Variants in NRXN3 observed in about 807,000 individuals in gnomAD.
NRXN3 encodes neurexin 3.
Under a neutral mutation model 137.6 loss-of-function variants are expected in NRXN3, and 32 were observed. That is an observed-to-expected ratio of 0.23 (90% confidence interval 0.18 to 0.31). The LOEUF (loss-of-function observed/expected upper bound fraction) is 0.31, where lower values mean the gene tolerates loss of function less well. Among genes scored for constraint, NRXN3 ranks in the 10% least tolerant of loss-of-function variants. NRXN3 has a pLI of 1.00. For missense variants in NRXN3, 1,574 were observed against 2,062.5 expected, an observed-to-expected ratio of 0.76 and a Z score of 4.59; for synonymous variants, 798 against 784.5, an observed-to-expected ratio of 1.02 and a Z score of -0.29.
At chr14:78,806,989 T>C (rs967669083) in intron 9 of NRXN3, among the ~76,000 whole-genome samples, 33 of 152,188 alleles carry the variant, frequency 2.2e-4, no homozygotes, top group African/African-American at 7.7e-4. Context: ...ACATAAAAAG[T>C]TGGAGACAGA....
intron 19 of NRXN3, among the ~76,000 whole-genome samples, chr14:79,796,763 A>G (rs958300032): frequency 2.0e-5 from 3 of 152,218 alleles, no homozygotes; most frequent in South Asian, 4.1e-4. Context: ...ATTGTGGAAA[A>G]GAAGAAAAAG....
At position 79,565,336 on chromosome 14, in the gene NRXN3, T is replaced by C. The variant is rs574118550; in HGVS notation, c.3444+97934T>C. ...ACACACATGTGTGTGTATATATATA[T>C]ACATATGTGTGCGTATATGTATACA... On this transcript the variant is annotated intron_variant, in intron 16 of 20. Transcript: ENST00000335750. 4.5e-3 allele frequency among the ~76,000 whole-genome samples: 493 copies of C among 108,730 alleles called. 5 individuals are homozygous for C. The highest frequency in any genetic ancestry group is 0.019 in the African/African-American group (452 of 23,368). 71.3% of individuals were successfully genotyped at this position (108,730 alleles called of 152,430 possible). A position where few individuals can be genotyped will look rare whatever the true frequency, so the allele number is the denominator to read the frequency against.
intron 16 of NRXN3, among the ~76,000 whole-genome samples, chr14:79,536,267 A>T (rs2097210342): frequency 6.6e-6 from 1 of 152,186 alleles, no homozygotes; most frequent in Admixed American, 6.5e-5. Flanking sequence ...GAAAACCATA[A>T]GTACGTGTGA....
At chr14:78,912,843 C>A (rs1299493647) in intron 10 of NRXN3, among the ~76,000 whole-genome samples, 2 of 152,086 alleles carry the variant, frequency 1.3e-5, no homozygotes, top group Non-Finnish European at 2.9e-5. Context: ...AATTAAGGAC[C>A]TAACCAAGTT....
intron 16 of NRXN3, among the ~76,000 whole-genome samples, chr14:79,597,466 G>A (rs1184147875): frequency 1.3e-5 from 2 of 152,200 alleles, no homozygotes; most frequent in Non-Finnish European, 2.9e-5. Flanking sequence ...AGAGGGTTAG[G>A]TGGTTGCTTT....
chr14:78,412,391 A>C (rs2092885264), intron 4 of NRXN3, among the ~76,000 whole-genome samples: 1 of 152,134 alleles, frequency 6.6e-6, no homozygotes, highest in Non-Finnish European at 1.5e-5. Flanking sequence ...CTTGTGGTGT[A>C]CTAAGGCACT....
At chr14:79,609,610 A>T (rs1461675766) in intron 16 of NRXN3, among the ~76,000 whole-genome samples, 3 of 152,186 alleles carry the variant, frequency 2.0e-5, no homozygotes, top group African/African-American at 7.2e-5. Context: ...ATTATTTACT[A>T]GGCATCCCTT....
intron 2 of NRXN3, among the ~76,000 whole-genome samples, chr14:78,263,513 T>G (rs998140650): frequency 6.6e-6 from 1 of 152,218 alleles, no homozygotes; most frequent in African/African-American, 2.4e-5. Context: ...AAGCAAACAG[T>G]ACGGGGGTCA....
At chr14:79,665,924 G>A (rs761381116) in intron 17 of NRXN3, among the ~76,000 whole-genome samples, 12 of 152,038 alleles carry the variant, frequency 7.9e-5, no homozygotes, top group Admixed American at 1.3e-4. Flanking sequence ...ATTTAGTAAC[G>A]ATATGTGTTA....
chr14:79,847,500 A>T lies in NRXN3; in HGVS notation c.4094-13842A>T, dbSNP rs116371153. On this transcript the variant is annotated intron_variant, in intron 20 of 20. Coordinates refer to ENST00000335750, the MANE Select transcript of NRXN3 (RefSeq NM_001330195.2). ...ATTTGAGACAAGTCACTTGTCCCCC[A>T]TGCCAACCCCTGGGGCCTCACTTTT... 7.0e-3 allele frequency among the ~76,000 whole-genome samples: 1,065 copies of T among 152,286 alleles called. 49 individuals carry two copies. The South Asian group carries it at 0.13, about 19-fold the overall frequency.
chr14:79,213,633 G>C (rs1202551949), intron 15 of NRXN3, among the ~76,000 whole-genome samples: 1 of 151,262 alleles, frequency 6.6e-6, no homozygotes, highest in Non-Finnish European at 1.5e-5. Flanking sequence ...TTTGGGGGGG[G>C]GTGGCGGGAA....
intron 3 of NRXN3, among the ~76,000 whole-genome samples, chr14:78,281,896 G>A (rs544399154): frequency 6.6e-6 from 1 of 152,266 alleles, no homozygotes; most frequent in South Asian, 2.1e-4. Context: ...AGAGCTGTGG[G>A]CCAGGCTGTG....
chr14:79,221,321 A>G (rs910633292), intron 15 of NRXN3, among the ~76,000 whole-genome samples: 2 of 152,114 alleles, frequency 1.3e-5, no homozygotes, highest in African/African-American at 4.8e-5. Flanking sequence ...TCCTTGAGTA[A>G]TTGCTACACT....
At chr14:78,348,782 G>A (rs1421022215) in intron 4 of NRXN3, among the ~76,000 whole-genome samples, 1 of 152,172 alleles carries the variant, frequency 6.6e-6, no homozygotes, top group Non-Finnish European at 1.5e-5. Context: ...CTCTGTGGGT[G>A]ACTGTAGCAC....
intron 15 of NRXN3, among the ~76,000 whole-genome samples, chr14:79,025,718 A>G (rs866326185): frequency 2.0e-5 from 3 of 152,248 alleles, no homozygotes; most frequent in Middle Eastern, 6.8e-3. Context: ...AAAATGGATT[A>G]TTTTCTTTGG....
At chr14:79,246,081 C>T (rs1333964408) in intron 15 of NRXN3, among the ~76,000 whole-genome samples, 1 of 152,126 alleles carries the variant, frequency 6.6e-6, no homozygotes, top group East Asian at 1.9e-4. Flanking sequence ...ATAGTGTGGG[C>T]ACTTCAATGT....
chr14:79,336,141 A>G (rs1266944355), intron 15 of NRXN3, among the ~76,000 whole-genome samples: 1 of 152,180 alleles, frequency 6.6e-6, no homozygotes, highest in Non-Finnish European at 1.5e-5. Context: ...TCCAAAAACA[A>G]TCAGAGAATC....
At chr14:79,127,536 A>G (rs373992484) in intron 15 of NRXN3, among the ~76,000 whole-genome samples, 1 of 151,720 alleles carries the variant, frequency 6.6e-6, no homozygotes, top group Non-Finnish European at 1.5e-5. Context: ...TTGATCTATA[A>G]CTCTGTTTTG....
intron 10 of NRXN3, among the ~76,000 whole-genome samples, chr14:78,952,953 A>G (rs1376147140): frequency 6.6e-6 from 1 of 152,180 alleles, no homozygotes; most frequent in Non-Finnish European, 1.5e-5. Flanking sequence ...CCCCCTGCGT[A>G]TGAGCAAACC....
Sources: allele counts gnomAD v4.1 joint callset (sites outside exome capture counted in the v4.1 genomes callset), GRCh38; gene constraint gnomAD v4.1.1; transcripts MANE v1.5; gene names NCBI Gene and HGNC (gene_info 2026-07-23, HGNC 2026-07-21).